Variants in ZER1 observed in about 807,000 individuals in gnomAD.
The protein encoded by ZER1 is zyg-11 related cell cycle regulator.
ZER1 carries 11 observed loss-of-function variants against 78.8 expected under a neutral mutation model. That is an observed-to-expected ratio of 0.14 (90% CI 0.09 to 0.23). The LOEUF (loss-of-function observed/expected upper bound fraction) is 0.23, where lower values mean the gene tolerates loss of function less well. Ranked by LOEUF, ZER1 falls within the 10% of genes least tolerant of loss-of-function variation. The pLI is 1.00. For missense variants in ZER1, 588 were observed against 996.9 expected (o/e 0.59, Z 5.52); for synonymous variants, 400 against 407.0 (o/e 0.98, Z 0.21).
chr9:128,741,707 G>A (rs1391884180), intron 10 of ZER1, 53 bp from the exon 11 acceptor site: 4 of 1,613,716 alleles, frequency 2.5e-6, no homozygotes, highest in South Asian at 2.2e-5. Context: ...GGGGAGGGGG[G>A]CCCCTGACAA....
intron 1 of ZER1, among the ~76,000 whole-genome samples, chr9:128,766,682 T>A (rs907997342): frequency 6.6e-6 from 1 of 151,074 alleles, no homozygotes; most frequent in South Asian, 2.1e-4. Flanking sequence ...TCCATCTCTA[T>A]TAAAAATACA....
chr9:128,750,933 AG>A, intron 7 of ZER1, 144 bp from the exon 8 acceptor site: 1 of 1,416,970 alleles, frequency 7.1e-7, no homozygotes, highest in Non-Finnish European at 9.5e-7. Flanking sequence ...AGCAGACACC[AG>A]GGTGGGGACC....
At position 128,759,152 on chromosome 9, in the gene ZER1, G is replaced by A. The variant is rs368611040; in HGVS notation, c.-94-3493C>T. Among the ~76,000 whole-genome samples, 24 of 150,510 alleles carry A rather than the reference G, an allele frequency of 1.6e-4. No homozygotes were observed. The East Asian group carries it at 2.0e-3, about 12-fold the overall frequency. On this transcript the variant is annotated intron_variant, in intron 1 of 15. Transcript: ENST00000291900. The stretch of plus-strand genomic sequence containing the variant: ...GCTGGGATTACAGGCATGGGCCACC[G>A]CGCCCAGCCAGTGAATATTGTTTTT...
At chr9:128,766,482 CTA>C (rs1289025532) in intron 1 of ZER1, among the ~76,000 whole-genome samples, 1 of 152,112 alleles carries the variant, frequency 6.6e-6, no homozygotes, top group Non-Finnish European at 1.5e-5. Flanking sequence ...GGGGCTATGG[CTA>C]TGCAATTTGC....
At chr9:128,735,639 AG>A (rs895968593) in intron 13 of ZER1, among the ~76,000 whole-genome samples, 32 of 151,802 alleles carry the variant, frequency 2.1e-4, no homozygotes, top group African/African-American at 7.3e-4. Context: ...CAAGCACATG[AG>A]GGAGGCACAA....
intron 15 of ZER1, 47 bp from the exon 16 acceptor site, chr9:128,731,441 G>GGGGGGTGGGGGGGGC: frequency 1.4e-6 from 1 of 704,916 alleles, no homozygotes; most frequent in East Asian, 3.1e-5. Context: ...CTTGGGTGGG[G>GGGGGGTGGGGGGGGC]GTGAGCCCAG....
chr9:128,769,759 C>G (rs1199116813), intron 1 of ZER1, among the ~76,000 whole-genome samples: 1 of 152,124 alleles, frequency 6.6e-6, no homozygotes, highest in East Asian at 1.9e-4. Flanking sequence ...CCCGTGCCCA[C>G]CTTCTCACAA....
In ZER1 at chr9:128,740,216, G is replaced by T; in HGVS notation, c.1854-97C>A. The stretch of plus-strand genomic sequence containing the variant: ...CAACTTAAAACCAGAAGCAAGAGGT[G>T]CTACTTATTTCTTTATCCCATATCG... On this transcript the variant is annotated intron_variant, in intron 12 of 15. Coordinates refer to ENST00000291900, the MANE Select transcript of ZER1 (RefSeq NM_006336.4). The surrounding 1 kb of genome is among the most constrained non-coding windows in gnomAD (Gnocchi z 4.4). The T allele has an allele frequency of 1.6e-6, 2 of 1,224,540 alleles. No individual in the cohort carries two copies. The highest frequency in any genetic ancestry group is 2.3e-6 in the Non-Finnish European group (2 of 882,066). The allele number at this position is 1,224,540 out of a possible 1,614,324, so 75.9% of individuals were successfully genotyped here. A position where few individuals can be genotyped will look rare whatever the true frequency, so the allele number is the denominator to read the frequency against.
chr9:128,735,327 C>T lies in ZER1; in HGVS notation c.2140+7G>A, dbSNP rs753595750. The T allele has an allele frequency of 1.2e-6, 2 of 1,610,616 alleles. 1 individual carries two copies. The highest frequency in any genetic ancestry group is 2.2e-5 in the South Asian group (2 of 90,612). On this transcript the variant is annotated splice_region_variant and intron_variant, in intron 14 of 15. Transcript: ENST00000291900. ...AGTGTCTGAACCCAGGACAAGTTGG[C>T]ACTCACGGTAGACAGACACGAGGTT... is the stretch of plus-strand genomic sequence containing the variant.
At chr9:128,739,481 G>A (rs193126470) in intron 13 of ZER1, among the ~76,000 whole-genome samples, 12 of 147,474 alleles carry the variant, frequency 8.1e-5, no homozygotes, top group African/African-American at 3.0e-4. Context: ...CAGCCTGGGC[G>A]ACAGAGCAAG....
Position 128,755,662 on chromosome 9 carries a change from G to A in ZER1, c.-94-3C>T. 1.3e-6 allele frequency: 2 copies of A among 1,485,156 alleles called. No homozygotes were observed. Among genetic ancestry groups the A allele is most frequent in the Non-Finnish European group, 1.8e-6 (2 of 1,094,714 alleles). 92.0% of individuals were successfully genotyped at this position (1,485,156 alleles called of 1,614,324 possible). A position where few individuals can be genotyped will look rare whatever the true frequency, so the allele number is the denominator to read the frequency against. ...AGGATCATTGGCAGAGCCACTGCCTGGGGAGTGGACAAGATGCCAAGTGAG... is the reference window on the plus strand; with the variant it reads ...AGGATCATTGGCAGAGCCACTGCCTAGGGAGTGGACAAGATGCCAAGTGAG... On this transcript the variant is annotated splice_polypyrimidine_tract_variant and splice_region_variant and intron_variant, in intron 1 of 15. Transcript: ENST00000291900. The surrounding 1 kb of genome is among the most constrained non-coding windows in gnomAD (Gnocchi z 5.6).
intron 9 of ZER1, 97 bp downstream of exon 9, chr9:128,742,433 C>T: frequency 1.4e-6 from 2 of 1,438,908 alleles, no homozygotes; most frequent in Non-Finnish European, 9.6e-7. Context: ...CTCCGACTCC[C>T]AGCCCCAGGC....
In ZER1 at chr9:128,755,791, C is replaced by A; in HGVS notation, c.-94-132G>T. 1 of 576,062 alleles carries A rather than the reference C, an allele frequency of 1.7e-6. No individual in the cohort carries two copies. The highest frequency in any genetic ancestry group is 2.5e-5 in the South Asian group (1 of 39,520). The allele number at this position is 576,062 out of a possible 1,614,324, so 35.7% of individuals were successfully genotyped here. ...CAGCTTAGCAGGGCCAGGCCCAGGT[C>A]TCCTGACTCCTTCTTTCACCCGCCT... On this transcript the variant is annotated intron_variant, in intron 1 of 15. Coordinates refer to ENST00000291900, the MANE Select transcript of ZER1 (RefSeq NM_006336.4). This position sits in a 1 kb window ranked among gnomAD's most constrained non-coding sequence, Gnocchi z 5.6.
In ZER1 at chr9:128,753,747, G is replaced by A. The variant is rs1407056330; in HGVS notation, c.309+62C>T. 1.3e-6 allele frequency: 2 copies of A among 1,569,934 alleles called. No homozygotes were observed. The highest frequency in any genetic ancestry group is 1.3e-5 in the African/African-American group (1 of 74,346). On this transcript the variant is annotated intron_variant, in intron 3 of 15. Transcript: ENST00000291900. The surrounding 1 kb of genome is among the most constrained non-coding windows in gnomAD (Gnocchi z 7.5). Reference sequence around the variant, plus strand: ...TGGGCTGGGGATGGCTGGGCTGGAGGCGAGCAGCCTGGCCCCTGCTTGGTG... The same window carrying A: ...TGGGCTGGGGATGGCTGGGCTGGAGACGAGCAGCCTGGCCCCTGCTTGGTG...
rs1564405092 is a variant in ZER1, at chr9:128,755,168, C to T, written c.158+240G>A. Among the ~76,000 whole-genome samples, 1 of 152,174 alleles carries T rather than the reference C, an allele frequency of 6.6e-6. No individual in the cohort carries two copies. Among genetic ancestry groups the T allele is most frequent in the Admixed American group, 6.5e-5 (1 of 15,274 alleles). The stretch of plus-strand genomic sequence containing the variant: ...TGCTGCATAAGCTTACATGTGTACA[C>T]ACACCCATGCCTTCACGTGCACACC... On this transcript the variant is annotated intron_variant, in intron 2 of 15. Transcript: ENST00000291900. This position sits in a 1 kb window ranked among gnomAD's most constrained non-coding sequence, Gnocchi z 5.6.
rs1365419432 is a variant in ZER1, at chr9:128,740,919, A to G, written c.1738-32T>C. On this transcript the variant is annotated intron_variant, in intron 11 of 15. Coordinates refer to ENST00000291900, the MANE Select transcript of ZER1 (RefSeq NM_006336.4). This position sits in a 1 kb window ranked among gnomAD's most constrained non-coding sequence, Gnocchi z 4.4. ...AAAGGAGAGCCAATGGGCCGCATCA[A>G]TTAGTACTTAATGACTTAGTATCTG... 1.3e-6 allele frequency: 1 copy of G among 778,468 alleles called. No homozygotes were observed. The highest frequency in any genetic ancestry group is 1.3e-5 in the South Asian group (1 of 74,472). 48.2% of individuals were successfully genotyped at this position (778,468 alleles called of 1,614,324 possible). A position where few individuals can be genotyped will look rare whatever the true frequency, so the allele number is the denominator to read the frequency against.
At chr9:128,739,088 G>T (rs575821463) in intron 13 of ZER1, among the ~76,000 whole-genome samples, 1 of 151,810 alleles carries the variant, frequency 6.6e-6, no homozygotes, top group African/African-American at 2.4e-5. Flanking sequence ...CTGACCTCGT[G>T]ATCTGCCCGC....
In ZER1 at chr9:128,733,512, A is replaced by C. The variant is rs1564389243; in HGVS notation, c.2157T>G (p.Pro719=). 1 of 1,613,508 alleles carries C rather than the reference A, an allele frequency of 6.2e-7. No individual in the cohort carries two copies. Residue 719 remains proline, a synonymous_variant, in exon 15 of 16, where the codon CCT becomes CCG. Transcript: ENST00000291900. Reference sequence around the variant, plus strand: ...GCATCCCCCCTTCTTTGATCAGCAGAGGGCAGTACTTGTCCGCTGTGGGAT... The same window carrying C: ...GCATCCCCCCTTCTTTGATCAGCAGCGGGCAGTACTTGTCCGCTGTGGGAT... ...LVSVYPDKYC[P]LLIKEGGMPL...
rs773875900 is a variant in ZER1 at position 128,753,439 on chromosome 9, G to T, written c.471C>A (p.Leu157=). ...ENPGGCEDEY[L]VNPTCQVLVK... ...CCAGCACCTGGCAGGTGGGGTTGAC[G>T]AGGTACTCATCTTCACAGCCCCCTG... is the stretch of plus-strand genomic sequence containing the variant. The change falls in exon 4 of 16, where the codon CTC becomes CTA. Residue 157 remains leucine (L), a synonymous_variant. Coordinates refer to ENST00000291900, the MANE Select transcript of ZER1 (RefSeq NM_006336.4). The surrounding 1 kb of genome is among the most constrained non-coding windows in gnomAD (Gnocchi z 7.5). 1.9e-6 allele frequency: 3 copies of T among 1,614,164 alleles called. No individual in the cohort carries two copies. The South Asian group carries it at 3.3e-5, about 18-fold the overall frequency.
Sources: allele counts gnomAD v4.1 joint callset (sites outside exome capture counted in the v4.1 genomes callset), GRCh38; gene constraint gnomAD v4.1.1; non-coding constraint Gnocchi (gnomAD v3.1); transcripts MANE v1.5; gene names NCBI Gene and HGNC (gene_info 2026-07-23, HGNC 2026-07-21).